The following SSBP2 variants were observed in gnomAD, a reference collection of about 807,000 sequenced individuals.
The protein encoded by SSBP2 is single-stranded DNA-binding protein 2.
In SSBP2, 17 loss-of-function variants were observed where a neutral mutation model predicts 61.8. That is an observed-to-expected ratio of 0.28 (90% confidence interval 0.19 to 0.41). SSBP2 has a LOEUF of 0.41. Ranked by LOEUF, SSBP2 falls within the 10% of genes least tolerant of loss-of-function variation. The pLI, the probability that SSBP2 is intolerant of heterozygous loss-of-function variation, is 1.00. For synonymous variants in SSBP2, 139 were observed against 141.3 expected, an observed-to-expected ratio of 0.98 and a Z score of 0.12; for missense variants, 310 against 458.7, an observed-to-expected ratio of 0.68 and a Z score of 2.96.
chr5:81,695,696 T>C (rs1358855822), intron 1 of SSBP2, among the ~76,000 whole-genome samples: 1 of 152,158 alleles, frequency 6.6e-6, no homozygotes, highest in South Asian at 2.1e-4. Flanking sequence ...CATTTTTCTA[T>C]ATTTGCTTGT....
At chr5:81,506,653 G>A (rs548480499) in intron 5 of SSBP2, among the ~76,000 whole-genome samples, 1 of 152,226 alleles carries the variant, frequency 6.6e-6, no homozygotes, top group East Asian at 1.9e-4. Flanking sequence ...ATAACAGAAG[G>A]AAATTGAGAG....
At chr5:81,428,011 T>C (rs1187298642) in intron 16 of SSBP2, among the ~76,000 whole-genome samples, 1 of 152,244 alleles carries the variant, frequency 6.6e-6, no homozygotes, top group African/African-American at 2.4e-5. Flanking sequence ...TGCCTTGGCA[T>C]GTGGTAAGTG....
At chr5:81,723,964 T>A (rs1202111466) in intron 1 of SSBP2, among the ~76,000 whole-genome samples, 1 of 152,006 alleles carries the variant, frequency 6.6e-6, no homozygotes, top group South Asian at 2.1e-4. Context: ...GCGCTACCAC[T>A]ACAATTTCTA....
rs1479572183 is a variant in SSBP2, at chr5:81,415,561, G to A, written c.*4943C>T. Reference sequence around the variant, plus strand: ...TTTTATCAGGAGTTGATTGAATCAGGGATGTGGAACCTGTGGATATGGAGG... The same window carrying A: ...TTTTATCAGGAGTTGATTGAATCAGAGATGTGGAACCTGTGGATATGGAGG... On this transcript the variant is annotated 3_prime_UTR_variant, in exon 17 of 17. Transcript: ENST00000320672. The A allele has an allele frequency of 6.6e-6, 1 of 151,822 alleles. No homozygotes were observed. The highest frequency in any genetic ancestry group is 2.4e-5 in the African/African-American group (1 of 41,278). 9.4% of individuals were successfully genotyped at this position (151,822 alleles called of 1,614,324 possible). A position where few individuals can be genotyped will look rare whatever the true frequency, so the allele number is the denominator to read the frequency against.
intron 1 of SSBP2, among the ~76,000 whole-genome samples, chr5:81,723,563 C>G (rs185165433): frequency 1.9e-4 from 29 of 152,084 alleles, no homozygotes; most frequent in Admixed American, 1.9e-3. Context: ...CGCATTAACC[C>G]AAGTGCAGGC....
intron 1 of SSBP2, among the ~76,000 whole-genome samples, chr5:81,706,913 GACTT>G (rs1156485711): frequency 6.6e-6 from 1 of 152,168 alleles, no homozygotes; most frequent in Non-Finnish European, 1.5e-5. Flanking sequence ...GTGACACACA[GACTT>G]ACTTGAAGAG....
intron 1 of SSBP2, among the ~76,000 whole-genome samples, chr5:81,747,477 T>C (rs1382705416): frequency 6.6e-6 from 1 of 152,150 alleles, no homozygotes; most frequent in Admixed American, 6.5e-5. Flanking sequence ...ACACTGAACA[T>C]AGTGACTGGC....
intron 1 of SSBP2, among the ~76,000 whole-genome samples, chr5:81,688,815 C>A (rs557071647): frequency 1.3e-5 from 2 of 152,250 alleles, no homozygotes; most frequent in African/African-American, 2.4e-5. Flanking sequence ...TGCTCGAACA[C>A]TGATGAACAA....
chr5:81,749,363 G>T (rs907145819), intron 1 of SSBP2, among the ~76,000 whole-genome samples: 1 of 152,108 alleles, frequency 6.6e-6, no homozygotes, highest in East Asian at 1.9e-4. Flanking sequence ...AATCCTATGG[G>T]AATTGAGTGT....
In SSBP2 at chr5:81,702,523, G is replaced by C. The variant is rs554846554; in HGVS notation, c.62+48458C>G. ...TAATGGAAGCTCCAAAATAGGCATC[G>C]GAAAATACAAAGTATATGAAACACA... On this transcript the variant is annotated intron_variant, in intron 1 of 16. Coordinates refer to ENST00000320672, the MANE Select transcript of SSBP2 (RefSeq NM_012446.5). Among the ~76,000 whole-genome samples, 9 of 152,160 alleles carry C rather than the reference G, an allele frequency of 5.9e-5. No individual in the cohort carries two copies. The South Asian group carries it at 8.3e-4, about 14-fold the overall frequency.
intron 15 of SSBP2, among the ~76,000 whole-genome samples, chr5:81,432,913 A>G (rs7715068): frequency 0.51 from 59,984 of 116,554 alleles, 16,592 homozygotes; most frequent in African/African-American, 0.83. Context: ...CCGGCCAGCC[A>G]CCCCGTCCGG....
intron 5 of SSBP2, among the ~76,000 whole-genome samples, chr5:81,503,798 C>A (rs916518728): frequency 2.0e-5 from 3 of 152,006 alleles, no homozygotes; most frequent in Non-Finnish European, 4.4e-5. Flanking sequence ...TACTATGCAG[C>A]CATTAAAAAG....
chr5:81,431,578 T>C (rs1247619394), intron 15 of SSBP2, among the ~76,000 whole-genome samples: 1 of 152,094 alleles, frequency 6.6e-6, no homozygotes, highest in Non-Finnish European at 1.5e-5. Flanking sequence ...TAGCAGGTAT[T>C]ACATATCTTC....
intron 14 of SSBP2, among the ~76,000 whole-genome samples, chr5:81,439,388 C>T (rs1762867616): frequency 6.6e-6 from 1 of 152,044 alleles, no homozygotes; most frequent in Admixed American, 6.6e-5. Flanking sequence ...TGTGGTATGA[C>T]CTAGTCCATT....
At chr5:81,582,485 A>T (rs1474893143) in intron 4 of SSBP2, among the ~76,000 whole-genome samples, 1 of 152,218 alleles carries the variant, frequency 6.6e-6, no homozygotes, top group African/African-American at 2.4e-5. Context: ...TAACTTTATA[A>T]TATGTACTTT....
At chr5:81,454,525 A>G (rs1763997402) in intron 10 of SSBP2, among the ~76,000 whole-genome samples, 1 of 152,086 alleles carries the variant, frequency 6.6e-6, no homozygotes, top group African/African-American at 2.4e-5. Context: ...TACTAAGAAT[A>G]CAAAAGTTAG....
At chr5:81,688,481 G>C (rs1353286339) in intron 1 of SSBP2, among the ~76,000 whole-genome samples, 1 of 152,198 alleles carries the variant, frequency 6.6e-6, no homozygotes, top group Non-Finnish European at 1.5e-5. Flanking sequence ...CCCAGTGCTG[G>C]ACCAGCTTCA....
intron 4 of SSBP2, among the ~76,000 whole-genome samples, chr5:81,612,396 T>A (rs998092844): frequency 1.3e-5 from 2 of 152,112 alleles, no homozygotes; most frequent in Non-Finnish European, 2.9e-5. Flanking sequence ...TTTAATCTGT[T>A]TTAAAGTAAC....
chr5:81,434,729 G>C (rs958800867), intron 15 of SSBP2, among the ~76,000 whole-genome samples: 1 of 150,334 alleles, frequency 6.7e-6, no homozygotes, highest in Non-Finnish European at 1.5e-5. Flanking sequence ...GAAAAAAACA[G>C]GATGGAAATG....
Sources: gnomAD v4.1 joint callset for allele counts (sites outside exome capture counted in the v4.1 genomes callset) on GRCh38, gnomAD v4.1.1 for gene constraint, MANE v1.5 for transcripts, NCBI Gene and HGNC (gene_info 2026-07-23, HGNC 2026-07-21) for gene names.